NUMB: variants seen among roughly 807,000 people sequenced by gnomAD.
NUMB encodes the protein NUMB endocytic adaptor protein.
Under a neutral mutation model 59.7 loss-of-function variants are expected in NUMB, and 29 were observed. The ratio of observed to expected loss-of-function variants is 0.49; its 90% CI spans 0.36 to 0.66. The LOEUF is 0.66. NUMB is among the 30% of genes least tolerant of loss of function. NUMB has a pLI of 0.00. For synonymous variants in NUMB, 288 were observed against 288.2 expected, an observed-to-expected ratio of 1.00 and a Z score of 0.01; for missense variants, 723 against 822.0, an observed-to-expected ratio of 0.88 and a Z score of 1.47.
chr14:73,318,398 C>T (rs565132396), intron 5 of NUMB, among the ~76,000 whole-genome samples: 14 of 152,158 alleles, frequency 9.2e-5, no homozygotes, highest in African/African-American at 3.4e-4. Flanking sequence ...AAAACAAGAA[C>T]ATATATTAAA....
intron 2 of NUMB, among the ~76,000 whole-genome samples, chr14:73,377,564 C>T (rs1895012339): frequency 6.6e-6 from 1 of 152,134 alleles, no homozygotes; most frequent in Non-Finnish European, 1.5e-5. Context: ...CACTTGAACC[C>T]TGGAGGTGGA....
At chr14:73,365,051 T>C (rs1467738033) in intron 3 of NUMB, among the ~76,000 whole-genome samples, 1 of 152,110 alleles carries the variant, frequency 6.6e-6, no homozygotes, top group Non-Finnish European at 1.5e-5. Context: ...GGTCTCTTCT[T>C]TTTTCTTTAA....
At chr14:73,451,861 A>T (rs1031031853) in intron 1 of NUMB, among the ~76,000 whole-genome samples, 3 of 152,196 alleles carry the variant, frequency 2.0e-5, no homozygotes, top group Non-Finnish European at 2.9e-5. Flanking sequence ...TAAACTAGAA[A>T]TGTTCCAAAT....
intron 2 of NUMB, among the ~76,000 whole-genome samples, chr14:73,373,259 T>C (rs1186835426): frequency 6.6e-6 from 1 of 152,228 alleles, no homozygotes. Context: ...AGCAACCTCA[T>C]AGATCATTAC....
chr14:73,411,745 T>C (rs1284826661), intron 1 of NUMB, among the ~76,000 whole-genome samples: 1 of 152,156 alleles, frequency 6.6e-6, no homozygotes, highest in Admixed American at 6.5e-5. Flanking sequence ...AAAGTTATAG[T>C]AGCTAAAAGT....
chr14:73,427,797 G>T (rs934855010), intron 1 of NUMB, among the ~76,000 whole-genome samples: 5 of 152,144 alleles, frequency 3.3e-5, no homozygotes, highest in Non-Finnish European at 7.3e-5. Flanking sequence ...CTCTTAAGCA[G>T]TTAAGGTAAC....
intron 2 of NUMB, among the ~76,000 whole-genome samples, chr14:73,403,962 G>A (rs1254335986): frequency 3.3e-5 from 5 of 151,838 alleles, no homozygotes; most frequent in East Asian, 3.9e-4. Flanking sequence ...GCATGGTGGC[G>A]CGGCCCTGTA....
rs780751897 is a variant in NUMB at position 73,284,116 on chromosome 14, A to G, written c.914T>C (p.Met305Thr). The change falls in exon 10 of 13, where the codon ATG (methionine) becomes ACG (threonine). Residue 305 changes from methionine (M) to threonine (T), a missense_variant. Coordinates refer to ENST00000555238, the MANE Select transcript of NUMB (RefSeq NM_001005743.2). ...SLRINELPST[M>T]QRKTDFPIKN... ...AATGGGGAAATCAGTCTTCCTCTGC[A>G]TAGTGGAAGGCAACTCATTGATGCG... 2 of 1,614,178 alleles carry G rather than the reference A, an allele frequency of 1.2e-6. No individual in the cohort carries two copies. The highest frequency in any genetic ancestry group is 2.2e-5 in the East Asian group (1 of 44,890).
chr14:73,446,872 C>G (rs1883549152), intron 1 of NUMB, among the ~76,000 whole-genome samples: 1 of 151,942 alleles, frequency 6.6e-6, no homozygotes, highest in South Asian at 2.1e-4. Context: ...GACCCCAGTT[C>G]TATTTTTAAA....
At chr14:73,416,907 C>T (rs1897148028) in intron 1 of NUMB, among the ~76,000 whole-genome samples, 1 of 151,624 alleles carries the variant, frequency 6.6e-6, no homozygotes, top group Admixed American at 6.6e-5. Flanking sequence ...GGGCCCACCA[C>T]GCCCCCTTAT....
At chr14:73,440,469 T>G (rs1452437268) in intron 1 of NUMB, among the ~76,000 whole-genome samples, 1 of 151,582 alleles carries the variant, frequency 6.6e-6, no homozygotes, top group East Asian at 1.9e-4. Flanking sequence ...CTAAAACTCT[T>G]ACAAGAAAAC....
chr14:73,310,605 C>T (rs1315034967), intron 6 of NUMB, among the ~76,000 whole-genome samples: 1 of 152,190 alleles, frequency 6.6e-6, no homozygotes, highest in Non-Finnish European at 1.5e-5. Context: ...TCAGTGTAGG[C>T]ACTGCCATTT....
At chr14:73,414,790 G>C (rs955523334) in intron 1 of NUMB, among the ~76,000 whole-genome samples, 5 of 152,112 alleles carry the variant, frequency 3.3e-5, no homozygotes, top group Non-Finnish European at 2.9e-5. Flanking sequence ...CGTGATCTCA[G>C]CTCACTGCAA....
At chr14:73,316,153 G>A (rs1014164270) in intron 6 of NUMB, among the ~76,000 whole-genome samples, 1 of 152,146 alleles carries the variant, frequency 6.6e-6, no homozygotes, top group Non-Finnish European at 1.5e-5. Flanking sequence ...TTACAGACAT[G>A]AGCCACCGTG....
intron 2 of NUMB, among the ~76,000 whole-genome samples, chr14:73,387,956 C>CAAAAAAA (rs66701940): frequency 2.1e-5 from 2 of 94,414 alleles, no homozygotes; most frequent in African/African-American, 7.5e-5. Context: ...CTGTCTCTAC[C>CAAAAAAA]AAAAAAAAAA....
chr14:73,398,411 A>AGT (rs1275011828), intron 2 of NUMB, among the ~76,000 whole-genome samples: 4 of 104,060 alleles, frequency 3.8e-5, no homozygotes, highest in African/African-American at 8.8e-5. Flanking sequence ...AGAGAGAGAG[A>AGT]GAGAGTGTGT....
chr14:73,406,442 G>A (rs1896677579), intron 2 of NUMB, among the ~76,000 whole-genome samples: 2 of 151,990 alleles, frequency 1.3e-5, no homozygotes, highest in South Asian at 4.1e-4. Context: ...TTTTATGGCT[G>A]CATAGTATTC....
intron 2 of NUMB, among the ~76,000 whole-genome samples, chr14:73,399,704 A>G (rs952554591): frequency 1.3e-5 from 2 of 152,142 alleles, no homozygotes; most frequent in Non-Finnish European, 2.9e-5. Flanking sequence ...AACAATGACT[A>G]CACCACTGCA....
chr14:73,363,973 A>G (rs1304615251), intron 3 of NUMB, among the ~76,000 whole-genome samples: 3 of 152,156 alleles, frequency 2.0e-5, no homozygotes, highest in Non-Finnish European at 4.4e-5. Flanking sequence ...TTAATAAACT[A>G]AATCCAACTG....
Sources: gnomAD v4.1 joint callset for allele counts (sites outside exome capture counted in the v4.1 genomes callset) on GRCh38, gnomAD v4.1.1 for gene constraint, MANE v1.5 for transcripts, NCBI Gene and HGNC (gene_info 2026-07-23, HGNC 2026-07-21) for gene names.